The following HORMAD2 variants were observed in gnomAD, a reference collection of about 807,000 sequenced individuals.
The protein encoded by HORMAD2 is HORMA domain containing 2, also known as HORMA domain-containing protein 2.
A neutral mutation model predicts 38.8 loss-of-function variants in HORMAD2; 45 were observed. That is an observed-to-expected ratio of 1.16 (90% CI 0.91 to 1.49). The LOEUF (loss-of-function observed/expected upper bound fraction) is 1.49, where lower values mean the gene tolerates loss of function less well. Ranked by LOEUF, HORMAD2 falls within the 40% of genes most tolerant of loss-of-function variation. HORMAD2 has a pLI of 0.00. For synonymous variants in HORMAD2, 126 were observed against 122.8 expected, an observed-to-expected ratio of 1.03 and a Z score of -0.17; for missense variants, 338 against 367.0, an observed-to-expected ratio of 0.92 and a Z score of 0.65.
chr22:30,083,364 G>C (rs1396255689), intron 1 of HORMAD2, among the ~76,000 whole-genome samples: 1 of 152,190 alleles, frequency 6.6e-6, no homozygotes, highest in Non-Finnish European at 1.5e-5. Flanking sequence ...ACATTGCAAA[G>C]TTAGCTTTCA....
chr22:30,080,593 A>T (rs1165107078), intron 1 of HORMAD2, 102 bp downstream of exon 1: 1 of 151,972 alleles, frequency 6.6e-6, no homozygotes, highest in African/African-American at 2.4e-5. Context: ...TTTTCTTATT[A>T]CTTAAGGCTT....
chr22:30,182,531 G>A, the HORMAD2 span, among the ~76,000 whole-genome samples: 2 of 152,298 alleles, frequency 1.3e-5, no homozygotes, highest in East Asian at 3.9e-4. Flanking sequence ...GACAGGGCTG[G>A]TGACGTGCAG....
chr22:30,095,393 T>G (rs1450471634), intron 2 of HORMAD2, among the ~76,000 whole-genome samples: 1 of 152,208 alleles, frequency 6.6e-6, no homozygotes, highest in Non-Finnish European at 1.5e-5. Context: ...ATAAAATGCT[T>G]CTTTGATTTT....
rs138079338 is a variant in HORMAD2 at position 30,157,106 on chromosome 22, T to C, written c.820-18957T>C. Among the ~76,000 whole-genome samples the C allele has an allele frequency of 4.7e-3, 719 of 152,274 alleles. 8 individuals are homozygous for C. Among genetic ancestry groups the C allele is most frequent in the African/African-American group, 0.016 (681 of 41,548 alleles). ...GCTCTCTTGGCCACATCTCACTCCT[T>C]TAGGAGTCAGCACTCTCCATCTGTA... On this transcript the variant is annotated intron_variant, in intron 10 of 10. Transcript: ENST00000336726.
rs1222577481 is a variant in HORMAD2, at chr22:30,131,739, C to T, written c.819+9525C>T. Among the ~76,000 whole-genome samples, 3 of 152,264 alleles carry T rather than the reference C, an allele frequency of 2.0e-5. No individual in the cohort carries two copies. The East Asian group carries it at 5.8e-4, about 29-fold the overall frequency. On this transcript the variant is annotated intron_variant, in intron 10 of 10. Transcript: ENST00000336726. ...TTCTAAGTGTAATAAAAATGGTTTG[C>T]ATTTTGCCTGGATTTCTGCATCTTA...
At chr22:30,125,536 A>C (rs1039339898) in intron 10 of HORMAD2, among the ~76,000 whole-genome samples, 4 of 151,238 alleles carry the variant, frequency 2.6e-5, no homozygotes, top group African/African-American at 9.7e-5. Context: ...CTCATCTTTC[A>C]CTTTCTTTAA....
chr22:30,148,294 G>T (rs949766558), intron 10 of HORMAD2, among the ~76,000 whole-genome samples: 37 of 152,128 alleles, frequency 2.4e-4, no homozygotes, highest in African/African-American at 8.7e-4. Flanking sequence ...ACTAAATACC[G>T]TATAATTTCA....
At chr22:30,183,435 C>T in the HORMAD2 span, among the ~76,000 whole-genome samples, 3 of 152,168 alleles carry the variant, frequency 2.0e-5, no homozygotes, top group Non-Finnish European at 2.9e-5. Context: ...CCTGCATGCC[C>T]GTGGTGGGAC....
intron 10 of HORMAD2, among the ~76,000 whole-genome samples, chr22:30,133,486 A>T (rs1311686048): frequency 6.7e-6 from 1 of 149,218 alleles, no homozygotes; most frequent in East Asian, 1.9e-4. Context: ...TAATATATTT[A>T]TTTATGATTA....
Position 30,121,657 on chromosome 22 carries a change from A to G in HORMAD2, c.436A>G (p.Ser146Gly). Reference sequence around the variant, plus strand: ...TCATAGCAGCAGTACAAGCTTTGAAAGTGGAACAAACAATGAAGATATTAA... The same window carrying G: ...TCATAGCAGCAGTACAAGCTTTGAAGGTGGAACAAACAATGAAGATATTAA... ...DSHSSSTSFE[S>G]GTNNEDIKKA... is the part of the protein sequence containing the mutation. The change falls in exon 9 of 11, where the codon AGT becomes GGT. Residue 146 changes from serine (S) to glycine (G), a missense_variant. By Grantham distance (56) the Ser-to-Gly change is moderately conservative. Transcript: ENST00000336726. 6.2e-7 allele frequency: 1 copy of G among 1,600,412 alleles called. No individual in the cohort carries two copies. The highest frequency in any genetic ancestry group is 8.5e-7 in the Non-Finnish European group (1 of 1,172,998).
intron 1 of HORMAD2, among the ~76,000 whole-genome samples, chr22:30,086,536 C>A (rs907230843): frequency 5.9e-5 from 9 of 152,066 alleles, no homozygotes; most frequent in Admixed American, 1.3e-4. Flanking sequence ...AATCTTGAAG[C>A]CATGGTAAGA....
chr22:30,156,309 C>T (rs927925753), intron 10 of HORMAD2, among the ~76,000 whole-genome samples: 5 of 152,016 alleles, frequency 3.3e-5, no homozygotes, highest in African/African-American at 9.7e-5. Flanking sequence ...AAGGCTGTAA[C>T]ATTTCTGTTC....
chr22:30,079,927 G>A (rs1461004666), upstream of HORMAD2, among the ~76,000 whole-genome samples: 2 of 152,072 alleles, frequency 1.3e-5, no homozygotes, highest in Non-Finnish European at 2.9e-5. Flanking sequence ...TGACGCGCCC[G>A]CCTCAGCCTC....
At chr22:30,108,874 T>C (rs1193085962) in intron 5 of HORMAD2, among the ~76,000 whole-genome samples, 1 of 152,110 alleles carries the variant, frequency 6.6e-6, no homozygotes, top group Non-Finnish European at 1.5e-5. Flanking sequence ...TATGAAATTA[T>C]GGTTCTGAAA....
At chr22:30,111,487 A>T (rs772113482) in intron 5 of HORMAD2, among the ~76,000 whole-genome samples, 4 of 152,006 alleles carry the variant, frequency 2.6e-5, no homozygotes, top group Admixed American at 1.3e-4. Flanking sequence ...CTCTGTCTCA[A>T]AAAAAAAGAA....
chr22:30,135,154 A>G (rs919599393), intron 10 of HORMAD2, among the ~76,000 whole-genome samples: 4 of 152,092 alleles, frequency 2.6e-5, no homozygotes, highest in Non-Finnish European at 4.4e-5. Context: ...AAATTTCAGA[A>G]GAGAGGTAAA....
At chr22:30,165,437 C>A (rs1032237246) in intron 10 of HORMAD2, among the ~76,000 whole-genome samples, 1 of 152,038 alleles carries the variant, frequency 6.6e-6, no homozygotes, top group African/African-American at 2.4e-5. Flanking sequence ...TCTATCTCTG[C>A]AAAAAATTTT....
intron 7 of HORMAD2, among the ~76,000 whole-genome samples, chr22:30,113,228 T>C (rs865800253): frequency 2.6e-5 from 4 of 151,948 alleles, no homozygotes; most frequent in Admixed American, 1.3e-4. Context: ...CTCAACCAGA[T>C]TGTGAATTCT....
At chr22:30,093,888 C>A in intron 1 of HORMAD2, 28 bp from the exon 2 acceptor site, 1 of 1,147,192 alleles carries the variant, frequency 8.7e-7, no homozygotes, top group East Asian at 2.6e-5. Flanking sequence ...TTGGCAAGGT[C>A]TCTAATTAAT....
Sources: allele counts gnomAD v4.1 joint callset (sites outside exome capture counted in the v4.1 genomes callset), GRCh38; gene constraint gnomAD v4.1.1; transcripts MANE v1.5; gene names NCBI Gene and HGNC (gene_info 2026-07-23, HGNC 2026-07-21).